The following SSBP2 variants were observed in gnomAD, a reference collection of about 807,000 sequenced individuals.
The protein encoded by SSBP2 is single-stranded DNA-binding protein 2.
In SSBP2, 17 loss-of-function variants were observed where a neutral mutation model predicts 61.8. That is an observed-to-expected ratio of 0.28 (90% CI 0.19 to 0.41). The LOEUF (loss-of-function observed/expected upper bound fraction) is 0.41. Ranked by LOEUF, SSBP2 falls within the 10% of genes least tolerant of loss-of-function variation. The pLI is 1.00. For synonymous variants in SSBP2, 139 were observed against 141.3 expected, an observed-to-expected ratio of 0.98 and a Z score of 0.12; for missense variants, 310 against 458.7, an observed-to-expected ratio of 0.68 and a Z score of 2.96.
chr5:81,660,084 A>C (rs1269549347), intron 1 of SSBP2, among the ~76,000 whole-genome samples: 2 of 152,218 alleles, frequency 1.3e-5, no homozygotes, highest in Non-Finnish European at 2.9e-5. Flanking sequence ...AAACCTAGGC[A>C]ATACCATTCA....
intron 14 of SSBP2, among the ~76,000 whole-genome samples, chr5:81,438,956 T>G (rs1193191587): frequency 3.3e-5 from 5 of 152,172 alleles, no homozygotes. Flanking sequence ...ATTTTAAAAT[T>G]TACTTAATTT....
At chr5:81,488,049 A>ATATATATATTATATATATACAT (rs1766551433) in intron 6 of SSBP2, among the ~76,000 whole-genome samples, 1 of 50,526 alleles carries the variant, frequency 2.0e-5, no homozygotes, top group South Asian at 5.1e-4. Flanking sequence ...ATATATATAT[A>ATATATATATTATATATATACAT]TATATATATA....
chr5:81,680,714 A>T (rs1752320152), intron 1 of SSBP2, among the ~76,000 whole-genome samples: 1 of 152,228 alleles, frequency 6.6e-6, no homozygotes, highest in African/African-American at 2.4e-5. Flanking sequence ...CCAAGAAGAC[A>T]TAAAAAACTT....
At chr5:81,635,652 C>T (rs1027983749) in intron 3 of SSBP2, among the ~76,000 whole-genome samples, 7 of 148,706 alleles carry the variant, frequency 4.7e-5, no homozygotes, top group South Asian at 2.1e-4. Context: ...GGTGCAATCT[C>T]GGCTCACTGC....
chr5:81,743,881 C>T (rs1757187855), intron 1 of SSBP2, among the ~76,000 whole-genome samples: 1 of 152,172 alleles, frequency 6.6e-6, no homozygotes, highest in Non-Finnish European at 1.5e-5. Flanking sequence ...GCAAAGAAGC[C>T]GATCCTGAAC....
At chr5:81,528,701 C>T (rs1407171480) in intron 4 of SSBP2, among the ~76,000 whole-genome samples, 1 of 151,908 alleles carries the variant, frequency 6.6e-6, no homozygotes, top group Non-Finnish European at 1.5e-5. Flanking sequence ...CTGATGAGTA[C>T]TTAACTAGAT....
At chr5:81,661,512 CTCTCT>C (rs979548993) in intron 1 of SSBP2, among the ~76,000 whole-genome samples, 12 of 113,886 alleles carry the variant, frequency 1.1e-4, no homozygotes, top group African/African-American at 5.0e-4. Context: ...AATAACACTT[CTCTCT>C]TTTTTTTTTT....
intron 3 of SSBP2, among the ~76,000 whole-genome samples, chr5:81,625,970 C>G (rs1250153849): frequency 6.6e-6 from 1 of 152,174 alleles, no homozygotes; most frequent in East Asian, 1.9e-4. Context: ...GTTATAAGCT[C>G]AAGTCTTAAT....
intron 10 of SSBP2, among the ~76,000 whole-genome samples, chr5:81,459,143 G>T (rs951775505): frequency 2.6e-5 from 4 of 151,976 alleles, no homozygotes; most frequent in Admixed American, 2.6e-4. Flanking sequence ...TGTTTCTCAG[G>T]GTCTAAAATA....
intron 4 of SSBP2, among the ~76,000 whole-genome samples, chr5:81,588,725 A>T (rs1014576830): frequency 1.3e-5 from 2 of 152,124 alleles, no homozygotes; most frequent in Non-Finnish European, 2.9e-5. Flanking sequence ...AATTTTCAAA[A>T]ACTTATAAAT....
At chr5:81,467,481 A>G (rs949177052) in intron 8 of SSBP2, among the ~76,000 whole-genome samples, 1 of 152,024 alleles carries the variant, frequency 6.6e-6, no homozygotes. Flanking sequence ...CAACACAAGA[A>G]AGTTAAATGC....
At chr5:81,641,547 T>C (rs1354840847) in intron 2 of SSBP2, among the ~76,000 whole-genome samples, 2 of 152,176 alleles carry the variant, frequency 1.3e-5, no homozygotes, top group Admixed American at 1.3e-4. Context: ...TTTAGGTATG[T>C]CCACAGAAGA....
At chr5:81,558,262 G>A (rs1347369086) in intron 4 of SSBP2, among the ~76,000 whole-genome samples, 2 of 152,080 alleles carry the variant, frequency 1.3e-5, no homozygotes, top group Non-Finnish European at 2.9e-5. Context: ...CTTAGTCTGG[G>A]TGGCTATCAC....
At chr5:81,717,146 T>C (rs1329675468) in intron 1 of SSBP2, among the ~76,000 whole-genome samples, 1 of 152,182 alleles carries the variant, frequency 6.6e-6, no homozygotes, top group Non-Finnish European at 1.5e-5. Context: ...ATGGCCAGAA[T>C]GCAAGATCCT....
intron 1 of SSBP2, among the ~76,000 whole-genome samples, chr5:81,748,594 A>C (rs1054836627): frequency 3.9e-5 from 6 of 152,232 alleles, no homozygotes; most frequent in African/African-American, 1.4e-4. Context: ...ACGACAATTA[A>C]CCCAGAACAG....
chr5:81,540,449 A>T (rs967568040), intron 4 of SSBP2, among the ~76,000 whole-genome samples: 1 of 152,150 alleles, frequency 6.6e-6, no homozygotes, highest in African/African-American at 2.4e-5. Context: ...CTGGCATGAG[A>T]TGGTATCTCA....
At chr5:81,542,147 A>G (rs1771322435) in intron 4 of SSBP2, among the ~76,000 whole-genome samples, 1 of 152,244 alleles carries the variant, frequency 6.6e-6, no homozygotes, top group African/African-American at 2.4e-5. Context: ...ACAAGCGGCC[A>G]ACAAACACAT....
In SSBP2 at chr5:81,708,637, G is replaced by C. The variant is rs141497173; in HGVS notation, c.62+42344C>G. On this transcript the variant is annotated intron_variant, in intron 1 of 16. Coordinates refer to ENST00000320672, the MANE Select transcript of SSBP2 (RefSeq NM_012446.5). ...GGAGAAGGAATTTTTATTTTCATCA[G>C]AGACAACCAGAAAATTAATGTTTCA... Among the ~76,000 whole-genome samples the C allele has an allele frequency of 1.2e-4, 17 of 147,334 alleles. No individual in the cohort carries two copies. In the East Asian group the frequency reaches 3.4e-3, roughly 30 times the overall value.
intron 4 of SSBP2, among the ~76,000 whole-genome samples, chr5:81,555,119 GAAAT>G (rs1772493753): frequency 1.3e-5 from 2 of 151,966 alleles, no homozygotes; most frequent in African/African-American, 2.4e-5. Flanking sequence ...CTTGTTTAAA[GAAAT>G]AATTGTGATT....
Sources: gnomAD v4.1 joint callset for allele counts (sites outside exome capture counted in the v4.1 genomes callset) on GRCh38, gnomAD v4.1.1 for gene constraint, MANE v1.5 for transcripts, NCBI Gene and HGNC (gene_info 2026-07-23, HGNC 2026-07-21) for gene names.